Variants in MTCL3 observed in about 807,000 individuals in gnomAD.
The protein encoded by MTCL3 is microtubule cross-linking factor 3.
At chr6:127,480,498 A>G in the MTCL3 span, among the ~76,000 whole-genome samples, 1 of 152,232 alleles carries the variant, frequency 6.6e-6, no homozygotes, top group Non-Finnish European at 1.5e-5. Context: ...AATGAATAAT[A>G]GAGAGTTGGA....
the MTCL3 span, among the ~76,000 whole-genome samples, chr6:127,507,869 A>AG: frequency 7.2e-6 from 1 of 139,798 alleles, no homozygotes; most frequent in Admixed American, 6.9e-5. Flanking sequence ...AAAAAAAAAA[A>AG]AGAAAAAAAA....
At chr6:127,515,893 C>A in the MTCL3 span, 4 of 1,611,514 alleles carry the variant, frequency 2.5e-6, no homozygotes, top group African/African-American at 5.3e-5. The surrounding 1 kb of genome is among the most constrained non-coding windows in gnomAD (Gnocchi z 4.3). Flanking sequence ...ACCGCTGCCG[C>A]CCCCCGCAAC....
chr6:127,503,185 G>GC, the MTCL3 span, among the ~76,000 whole-genome samples: 2 of 152,194 alleles, frequency 1.3e-5, no homozygotes, highest in Non-Finnish European at 2.9e-5. Flanking sequence ...GTGAGGCCAC[G>GC]CAGCACTGAT....
the MTCL3 span, among the ~76,000 whole-genome samples, chr6:127,487,888 C>T: frequency 6.2e-4 from 94 of 152,272 alleles, no homozygotes; most frequent in Admixed American, 1.2e-3. Context: ...TTTATAAAGA[C>T]TTGACCAGAT....
At chr6:127,486,539 TAGGGGA>T in the MTCL3 span, among the ~76,000 whole-genome samples, 1 of 152,120 alleles carries the variant, frequency 6.6e-6, no homozygotes, top group East Asian at 1.9e-4. Flanking sequence ...TAACCTCTGC[TAGGGGA>T]GCAGTTGGGG....
chr6:127,484,429 C>T, the MTCL3 span, among the ~76,000 whole-genome samples: 1 of 151,998 alleles, frequency 6.6e-6, no homozygotes, highest in Non-Finnish European at 1.5e-5. Context: ...TCACCATAAC[C>T]AAAAAGTAAT....
At chr6:127,518,360 C>T in the MTCL3 span, among the ~76,000 whole-genome samples, 2 of 152,238 alleles carry the variant, frequency 1.3e-5, no homozygotes, top group Non-Finnish European at 2.9e-5. Context: ...AGCTTGTGTT[C>T]CAGTAACTGG....
chr6:127,474,918 A>G, the MTCL3 span, among the ~76,000 whole-genome samples: 2 of 152,168 alleles, frequency 1.3e-5, no homozygotes, highest in Non-Finnish European at 2.9e-5. Flanking sequence ...AAATATTCCT[A>G]TCCAGGACCA....
chr6:127,514,110 C>T, the MTCL3 span, among the ~76,000 whole-genome samples: 5 of 152,196 alleles, frequency 3.3e-5, no homozygotes, highest in African/African-American at 4.8e-5. Context: ...ATGAATCTGC[C>T]TACAGTCAAA....
chr6:127,487,376 A>C, the MTCL3 span, among the ~76,000 whole-genome samples: 5 of 152,214 alleles, frequency 3.3e-5, no homozygotes, highest in Non-Finnish European at 5.9e-5. Context: ...CACAGGGATC[A>C]GCAGAAGTGA....
chr6:127,499,410 T>C, the MTCL3 span, among the ~76,000 whole-genome samples: 1 of 151,376 alleles, frequency 6.6e-6, no homozygotes, highest in African/African-American at 2.4e-5. Context: ...AAAACAAACT[T>C]GAAAATTATC....
chr6:127,476,988 A>G, the MTCL3 span, among the ~76,000 whole-genome samples: 1 of 152,268 alleles, frequency 6.6e-6, no homozygotes, highest in Non-Finnish European at 1.5e-5. The surrounding 1 kb of genome is among the most constrained non-coding windows in gnomAD (Gnocchi z 4.4). Context: ...AACCGTTCGA[A>G]GGTTACACAG....
the MTCL3 span, among the ~76,000 whole-genome samples, chr6:127,507,055 CAA>C: frequency 6.6e-6 from 1 of 151,898 alleles, no homozygotes; most frequent in South Asian, 2.1e-4. Flanking sequence ...AAACTGGCCT[CAA>C]AGAGTTCAGG....
At chr6:127,503,344 A>G in the MTCL3 span, among the ~76,000 whole-genome samples, 1 of 152,202 alleles carries the variant, frequency 6.6e-6, no homozygotes, top group Non-Finnish European at 1.5e-5. Flanking sequence ...TAGTTCAGCC[A>G]CTGGCATGTA....
chr6:127,478,228 T>C, the MTCL3 span, among the ~76,000 whole-genome samples: 1 of 152,344 alleles, frequency 6.6e-6, no homozygotes, highest in South Asian at 2.1e-4. Context: ...TTGAGGGGTC[T>C]CATTGGATTG....
chr6:127,483,942 A>G, the MTCL3 span, among the ~76,000 whole-genome samples: 1 of 152,312 alleles, frequency 6.6e-6, no homozygotes, highest in Admixed American at 6.5e-5. Flanking sequence ...ATTACAGTGC[A>G]AATTGATAAA....
At chr6:127,516,208 C>T in the MTCL3 span, 1 of 1,432,684 alleles carries the variant, frequency 7.0e-7, no homozygotes, top group South Asian at 1.5e-5. Context: ...CCTCCTGCCG[C>T]CCAAAGCGGC....
chr6:127,518,748 C>T, the MTCL3 span: 15 of 152,150 alleles, frequency 9.9e-5, no homozygotes, highest in African/African-American at 3.1e-4. Context: ...GCTCGCTCGC[C>T]GCAGTTCCAC....
At chr6:127,518,955 G>A in the MTCL3 span, 1 of 150,236 alleles carries the variant, frequency 6.7e-6, no homozygotes. Context: ...CTGGGCAGGA[G>A]AGAAGGCGGG....
Sources: gnomAD v4.1 joint callset for allele counts (sites outside exome capture counted in the v4.1 genomes callset) on GRCh38, gnomAD v4.1.1 for gene constraint, Gnocchi (gnomAD v3.1) non-coding constraint, MANE v1.5 for transcripts, NCBI Gene and HGNC (gene_info 2026-07-23, HGNC 2026-07-21) for gene names.